HACE1: variants seen among roughly 807,000 people sequenced by gnomAD.
HACE1 encodes the protein HECT domain and ankyrin repeat containing E3 ubiquitin protein ligase 1, also known as E3 ubiquitin-protein ligase HACE1.
Under a neutral mutation model 118.4 loss-of-function variants are expected in HACE1, and 73 were observed. That is an observed-to-expected ratio of 0.62 (90% CI 0.51 to 0.75). The LOEUF (loss-of-function observed/expected upper bound fraction) is 0.75, where lower values mean the gene tolerates loss of function less well. Among genes scored for constraint, HACE1 ranks in the 30% least tolerant of loss-of-function variants. HACE1 has a pLI of 0.00. For synonymous variants in HACE1, 368 were observed against 374.8 expected (o/e 0.98, Z 0.21); for missense variants, 749 against 1,102.2 (o/e 0.68, Z 4.54).
At chr6:104,832,557 C>A (rs914139117) in intron 6 of HACE1, among the ~76,000 whole-genome samples, 1 of 151,938 alleles carries the variant, frequency 6.6e-6, no homozygotes, top group East Asian at 1.9e-4. Context: ...CCATACCCAG[C>A]TAAATTTTTT....
At chr6:104,766,621 A>G (rs919403043) in intron 19 of HACE1, among the ~76,000 whole-genome samples, 9 of 152,354 alleles carry the variant, frequency 5.9e-5, no homozygotes, top group African/African-American at 1.7e-4. Flanking sequence ...AAACCATATT[A>G]AAATGAAATC....
intron 11 of HACE1, among the ~76,000 whole-genome samples, chr6:104,788,976 A>G (rs1260952890): frequency 2.0e-5 from 3 of 152,166 alleles, no homozygotes; most frequent in African/African-American, 7.2e-5. Context: ...GTAGCATTAG[A>G]GTACCTTGTT....
chr6:104,784,858 T>C lies in HACE1; in HGVS notation c.1409+127A>G, dbSNP rs564525248. On this transcript the variant is annotated intron_variant, in intron 12 of 23. Transcript: ENST00000262903. ...CCTACTAGATCTAGATTAGTATGAG[T>C]ATCTTAAAACAAGGAGAAAACTTTA... 4.4e-6 allele frequency: 3 copies of C among 686,596 alleles called. No individual in the cohort carries two copies. In the African/African-American group the frequency reaches 5.4e-5, roughly 12 times the overall value. The allele number at this position is 686,596 out of a possible 1,614,324, so 42.5% of individuals were successfully genotyped here. A position where few individuals can be genotyped will look rare whatever the true frequency, so the allele number is the denominator to read the frequency against.
At chr6:104,820,384 T>C (rs1039622736) in intron 6 of HACE1, among the ~76,000 whole-genome samples, 56 of 152,212 alleles carry the variant, frequency 3.7e-4, no homozygotes, top group Admixed American at 4.6e-4. Flanking sequence ...CGAAAAAAAC[T>C]ATCATCAGAA....
chr6:104,836,439 G>A (rs9404580), intron 5 of HACE1, among the ~76,000 whole-genome samples: 36,056 of 152,038 alleles, frequency 0.24, 4,648 homozygotes, highest in African/African-American at 0.34. Context: ...AAGGCCTGGC[G>A]CGGTGGCTCA....
intron 19 of HACE1, among the ~76,000 whole-genome samples, chr6:104,757,382 C>T (rs1351394102): frequency 6.6e-6 from 1 of 152,206 alleles, no homozygotes; most frequent in Non-Finnish European, 1.5e-5. Flanking sequence ...GCAGCCTCCG[C>T]TGGTGATACC....
At chr6:104,797,163 A>G (rs988588689) in intron 7 of HACE1, 138 bp from the exon 8 acceptor site, 2 of 599,746 alleles carry the variant, frequency 3.3e-6, no homozygotes, top group Admixed American at 5.4e-5. Flanking sequence ...ACATCTTCAT[A>G]ATCACAAAAA....
intron 7 of HACE1, among the ~76,000 whole-genome samples, chr6:104,802,274 T>TCCCACACAACAA (rs1356744256): frequency 6.6e-6 from 1 of 152,098 alleles, no homozygotes; most frequent in Non-Finnish European, 1.5e-5. Flanking sequence ...AATGGGAGAC[T>TCCCACACAACAA]TAAACACCCC....
intron 6 of HACE1, among the ~76,000 whole-genome samples, chr6:104,816,477 C>T (rs948720599): frequency 3.3e-5 from 5 of 152,174 alleles, no homozygotes; most frequent in African/African-American, 9.7e-5. Flanking sequence ...GAAGCTTCCA[C>T]GTGGTGTTGG....
intron 11 of HACE1, among the ~76,000 whole-genome samples, chr6:104,791,295 T>C (rs1014219475): frequency 6.6e-6 from 1 of 152,154 alleles, no homozygotes; most frequent in Non-Finnish European, 1.5e-5. Flanking sequence ...AATAAAAAAT[T>C]TTATTTGTAA....
chr6:104,776,768 A>C lies in HACE1; in HGVS notation c.1837T>G (p.Tyr613Asp). The part of the protein sequence containing the change: ...ILSNEIVNPD[Y>D]ALFTQSADGT... ...TCAGCTGACTGGGTAAACAATGCAT[A>C]ATCAGGATTGACTATCTCATTGGAC... Residue 613 changes from tyrosine to aspartate, a missense_variant, in exon 17 of 24, where the codon TAT becomes GAT. Physicochemically the swap from Tyr to Asp is radical, Grantham distance 160 (BLOSUM62 -3). Transcript: ENST00000262903. 6.2e-7 allele frequency: 1 copy of C among 1,607,714 alleles called. No homozygotes were observed. The highest frequency in any genetic ancestry group is 8.5e-7 in the Non-Finnish European group (1 of 1,174,124).
At chr6:104,837,486 A>G (rs1026077810) in intron 5 of HACE1, among the ~76,000 whole-genome samples, 1 of 152,240 alleles carries the variant, frequency 6.6e-6, no homozygotes, top group Non-Finnish European at 1.5e-5. Flanking sequence ...TTATGCAAAC[A>G]GTAACTCAAA....
intron 20 of HACE1, among the ~76,000 whole-genome samples, chr6:104,746,139 A>G (rs936770209): frequency 6.6e-6 from 1 of 152,250 alleles, no homozygotes; most frequent in Non-Finnish European, 1.5e-5. Context: ...CTATGTTAAT[A>G]TAATAATGGA....
intron 6 of HACE1, among the ~76,000 whole-genome samples, chr6:104,828,603 T>C (rs1294248897): frequency 1.3e-5 from 2 of 151,962 alleles, no homozygotes; most frequent in East Asian, 1.9e-4. Flanking sequence ...TAAATACGGA[T>C]AGAAGTAGTT....
At chr6:104,737,326 C>A (rs1389658186) in intron 22 of HACE1, among the ~76,000 whole-genome samples, 1 of 148,662 alleles carries the variant, frequency 6.7e-6, no homozygotes, top group East Asian at 2.0e-4. Context: ...GGGGGAGGAG[C>A]CAAGATGGCC....
At chr6:104,744,286 A>G in intron 21 of HACE1, 56 bp from the exon 22 acceptor site, 2 of 1,052,442 alleles carry the variant, frequency 1.9e-6, no homozygotes, top group Non-Finnish European at 3.0e-6. Context: ...TAGACTTCTC[A>G]ATACCAGAGA....
At chr6:104,771,832 C>G (rs752459020) in intron 18 of HACE1, 93 bp downstream of exon 18, 13 of 859,926 alleles carry the variant, frequency 1.5e-5, no homozygotes, top group Non-Finnish European at 2.1e-5. Context: ...TAAAAATTAT[C>G]TCATCCAAAA....
chr6:104,794,603 C>T (rs1783410319), intron 10 of HACE1, among the ~76,000 whole-genome samples: 1 of 152,188 alleles, frequency 6.6e-6, no homozygotes, highest in African/African-American at 2.4e-5. Flanking sequence ...GGATGGTACG[C>T]CCTCAAAAAT....
intron 20 of HACE1, among the ~76,000 whole-genome samples, chr6:104,748,271 T>C (rs930592481): frequency 6.0e-5 from 9 of 149,824 alleles, no homozygotes; most frequent in Admixed American, 6.0e-4. Context: ...AATAGAAAAG[T>C]GGGCAAATTA....
Sources: allele counts gnomAD v4.1 joint callset (sites outside exome capture counted in the v4.1 genomes callset), GRCh38; gene constraint gnomAD v4.1.1; transcripts MANE v1.5; gene names NCBI Gene and HGNC (gene_info 2026-07-23, HGNC 2026-07-21).